The following KIF13B variants were observed in gnomAD, a reference collection of about 807,000 sequenced individuals.
The protein encoded by KIF13B is kinesin-like protein KIF13B.
A neutral mutation model predicts 222.0 loss-of-function variants in KIF13B; 127 were observed. The ratio of observed to expected loss-of-function variants is 0.57; its 90% CI spans 0.50 to 0.66. KIF13B has a LOEUF of 0.66. Ranked by LOEUF, KIF13B falls within the 30% of genes least tolerant of loss-of-function variation. The pLI, the probability that KIF13B is intolerant of heterozygous loss-of-function variation, is 0.00. For missense variants in KIF13B, 2,173 were observed against 2,379.0 expected (o/e 0.91, Z 1.80); for synonymous variants, 976 against 919.0 (o/e 1.06, Z -1.12).
At chr8:29,154,217 C>T (rs1563745872) in intron 14 of KIF13B, among the ~76,000 whole-genome samples, 1 of 151,956 alleles carries the variant, frequency 6.6e-6, no homozygotes, top group African/African-American at 2.4e-5. Context: ...CTCAGCAGGA[C>T]GAGGTGGGAG....
In KIF13B at chr8:29,228,472, A is replaced by AAAATATATATATATATATAT; in HGVS notation, c.149+16873_149+16874insATATATATATATATATATTT. ...ACAGAGCCAGACTCCATCTTAAAAA[A>AAAATATATATATATATATAT]ATATATATATATATATATGAGATAC... On this transcript the variant is annotated intron_variant, in intron 2 of 39. Coordinates refer to ENST00000524189, the MANE Select transcript of KIF13B (RefSeq NM_015254.4). Among the ~76,000 whole-genome samples, 69 of 117,072 alleles carry AAAATATATATATATATATAT rather than the reference A, an allele frequency of 5.9e-4. 3 individuals carry two copies. The highest frequency in any genetic ancestry group is 4.4e-3 in the Middle Eastern group (1 of 228). 76.8% of individuals were successfully genotyped at this position (117,072 alleles called of 152,430 possible).
At position 29,127,157 on chromosome 8, in the gene KIF13B, G is replaced by A; in HGVS notation, c.3187C>T (p.Pro1063Ser). The A allele has an allele frequency of 6.2e-7, 1 of 1,613,952 alleles. No homozygotes were observed. The highest frequency in any genetic ancestry group is 8.5e-7 in the Non-Finnish European group (1 of 1,179,864). ...TCATGTGTTCTGGGGGCTCTGAGCG[G>A]TCTAACTTTGACACATCCAATGCCA... is the stretch of plus-strand genomic sequence containing the variant. ...SVGIGCVKVR[P>S]LRAPRTHETF... is the part of the protein sequence containing the mutation. The change falls in exon 25 of 40, where the codon CCG (proline) becomes TCG (serine). Residue 1063 changes from proline (P) to serine (S), a missense_variant. Physicochemically the swap from Pro to Ser is moderately conservative, Grantham distance 74. Transcript: ENST00000524189.
At chr8:29,104,188 C>A (rs905080975) in intron 35 of KIF13B, among the ~76,000 whole-genome samples, 1 of 152,114 alleles carries the variant, frequency 6.6e-6, no homozygotes, top group Non-Finnish European at 1.5e-5. Flanking sequence ...ACACTGTCCC[C>A]ACTATCCCCT....
chr8:29,194,967 G>A (rs1813350936), intron 3 of KIF13B, among the ~76,000 whole-genome samples: 1 of 152,024 alleles, frequency 6.6e-6, no homozygotes, highest in African/African-American at 2.4e-5. Context: ...TAAAAAAAAA[G>A]CTGGGCACGG....
intron 38 of KIF13B, 83 bp from the exon 39 acceptor site, chr8:29,072,399 G>T: frequency 1.0e-6 from 1 of 957,648 alleles, no homozygotes; most frequent in Non-Finnish European, 1.4e-6. Context: ...TTGGAAAAGA[G>T]CATGAGGCCA....
chr8:29,223,167 A>AC (rs1309704147), intron 2 of KIF13B, among the ~76,000 whole-genome samples: 109 of 148,628 alleles, frequency 7.3e-4, no homozygotes, highest in African/African-American at 2.6e-3. Flanking sequence ...AAAAATACAA[A>AC]AAAAAAAAAA....
intron 2 of KIF13B, among the ~76,000 whole-genome samples, chr8:29,200,800 A>G (rs2130411958): frequency 6.6e-6 from 1 of 152,340 alleles, no homozygotes; most frequent in Middle Eastern, 3.4e-3. Flanking sequence ...TTTATTTTGT[A>G]GAATGTCCCT....
intron 2 of KIF13B, among the ~76,000 whole-genome samples, chr8:29,223,519 G>A (rs1814863719): frequency 6.6e-6 from 1 of 151,976 alleles, no homozygotes; most frequent in Non-Finnish European, 1.5e-5. Context: ...CAATTTAAAT[G>A]GATAAAAGAT....
In KIF13B at chr8:29,221,462, A is replaced by AT. The variant is rs1397508497; in HGVS notation, c.149+23883dup. On this transcript the variant is annotated intron_variant, in intron 2 of 39. Transcript: ENST00000524189. ...CTTGGGCAACAGAGTGAGACCCTGT[A>AT]TTTAAAAAAAAAAAAAAAGGAAAGA... 3.3e-3 allele frequency among the ~76,000 whole-genome samples: 501 copies of AT among 149,850 alleles called. 4 individuals are homozygous for AT. Among genetic ancestry groups the AT allele is most frequent in the Non-Finnish European group, 4.7e-3 (315 of 67,442 alleles).
intron 32 of KIF13B, among the ~76,000 whole-genome samples, chr8:29,112,460 C>A (rs898839438): frequency 1.4e-5 from 2 of 147,616 alleles, no homozygotes; most frequent in Non-Finnish European, 3.0e-5. Flanking sequence ...AAGCTGATTT[C>A]TGTATTAAAA....
intron 25 of KIF13B, 105 bp downstream of exon 25, chr8:29,127,017 T>C: frequency 1.0e-6 from 1 of 988,972 alleles, no homozygotes; most frequent in Non-Finnish European, 1.5e-6. Context: ...AACAAAGAGA[T>C]TCACGGAAAG....
At chr8:29,176,714 C>T (rs1018254222) in intron 9 of KIF13B, among the ~76,000 whole-genome samples, 1 of 152,084 alleles carries the variant, frequency 6.6e-6, no homozygotes, top group African/African-American at 2.4e-5. Flanking sequence ...TCGTATTATT[C>T]GTAGCACAGG....
chr8:29,195,815 G>A (rs903671176), intron 3 of KIF13B, among the ~76,000 whole-genome samples: 31 of 152,166 alleles, frequency 2.0e-4, no homozygotes, highest in African/African-American at 7.5e-4. Flanking sequence ...CTATGGAGGC[G>A]GCTTGAGGCC....
intron 2 of KIF13B, among the ~76,000 whole-genome samples, chr8:29,214,279 G>A (rs182195550): frequency 2.5e-4 from 38 of 151,156 alleles, no homozygotes; most frequent in African/African-American, 9.1e-4. Flanking sequence ...TTTGATTCTT[G>A]TAATAACAGT....
intron 37 of KIF13B, among the ~76,000 whole-genome samples, chr8:29,087,621 C>T (rs190974970): frequency 6.6e-4 from 100 of 152,316 alleles, no homozygotes; most frequent in African/African-American, 2.0e-3. Flanking sequence ...CCCACCCAAG[C>T]GCAGTTCCAC....
chr8:29,178,652 TAAAA>T (rs35590594), intron 8 of KIF13B, among the ~76,000 whole-genome samples: 1 of 139,070 alleles, frequency 7.2e-6, no homozygotes, highest in Admixed American at 7.1e-5. Context: ...TACTTTTAGT[TAAAA>T]AAAAAAAAAA....
intron 38 of KIF13B, among the ~76,000 whole-genome samples, chr8:29,072,615 A>C (rs1026214166): frequency 5.3e-5 from 8 of 152,138 alleles, no homozygotes; most frequent in South Asian, 4.1e-4. Flanking sequence ...CTGGCTTCCA[A>C]AGTGATAAAG....
rs186117987 is a variant in KIF13B at position 29,123,445 on chromosome 8, G to A, written c.3400C>T (p.Arg1134Trp). The A allele has an allele frequency of 4.3e-6, 7 of 1,614,002 alleles. No individual in the cohort carries two copies. Among genetic ancestry groups the A allele is most frequent in the East Asian group, 2.2e-5 (1 of 44,890 alleles). Residue 1134 changes from arginine to tryptophan, a missense_variant, in exon 28 of 40, where the codon CGG (arginine) becomes TGG (tryptophan). Around this residue, in one of 2 missense-constraint regions of KIF13B, gnomAD observed 1,480 missense variants for 1,722.8 expected, o/e 0.86. Transcript: ENST00000524189. ...TTCCTCTCCTCAGTTAGGGTCAACC[G>A]CATCTCCAGAAGCTGCGCTTCACGG... ...ADREAQLLEM[R>W]LTLTEERNAV...
intron 36 of KIF13B, among the ~76,000 whole-genome samples, chr8:29,096,407 C>T (rs1217290157): frequency 6.9e-6 from 1 of 145,966 alleles, no homozygotes; most frequent in Non-Finnish European, 1.5e-5. Context: ...TCAGGTAATT[C>T]TCCCACTTCA....
Sources: allele counts gnomAD v4.1 joint callset (sites outside exome capture counted in the v4.1 genomes callset), GRCh38; gene constraint gnomAD v4.1.1; regional missense constraint gnomAD v4.1.1; transcripts MANE v1.5; gene names NCBI Gene and HGNC (gene_info 2026-07-23, HGNC 2026-07-21).